The following FMN2 variants were observed in gnomAD, a reference collection of about 807,000 sequenced individuals.
FMN2 encodes formin 2, also known as formin-2.
In FMN2, 51 loss-of-function variants were observed where a neutral mutation model predicts 142.3. That is an observed-to-expected ratio of 0.36 (90% CI 0.29 to 0.45). The LOEUF (loss-of-function observed/expected upper bound fraction) is 0.45. FMN2 is among the 20% of genes least tolerant of loss of function. The pLI is 1.00. For synonymous variants in FMN2, 882 were observed against 869.8 expected, an observed-to-expected ratio of 1.01 and a Z score of -0.25; for missense variants, 1,936 against 2,122.8, an observed-to-expected ratio of 0.91 and a Z score of 1.73.
At chr1:240,123,505 C>CACAA (rs781040948) in intron 2 of FMN2, among the ~76,000 whole-genome samples, 160 bp downstream of exon 2, 17 of 107,776 alleles carry the variant, frequency 1.6e-4, no homozygotes, top group Non-Finnish European at 2.7e-4. Context: ...TGTTTGTACA[C>CACAA]AAAAAAAAAA....
At chr1:240,367,833 T>C (rs550096435) in intron 14 of FMN2, among the ~76,000 whole-genome samples, 1 of 152,146 alleles carries the variant, frequency 6.6e-6, no homozygotes, top group East Asian at 1.9e-4. Flanking sequence ...TAATGTCCTT[T>C]ATTTTCCCAA....
rs895116951 is a variant in FMN2 at position 240,389,254 on chromosome 1, T to C, written c.4859-3257T>C. ...TGGCTTTCAAAACTCTGCAAAACCA[T>C]TTATGCCATTAGAGATTATCTGAAA... On this transcript the variant is annotated intron_variant, in intron 14 of 17. Transcript: ENST00000319653. Among the ~76,000 whole-genome samples, 10 of 152,314 alleles carry C rather than the reference T, an allele frequency of 6.6e-5. No homozygotes were observed. In the South Asian group the frequency reaches 1.0e-3, roughly 16 times the overall value.
chr1:240,147,612 C>T (rs1334695034), intron 2 of FMN2, among the ~76,000 whole-genome samples: 1 of 152,112 alleles, frequency 6.6e-6, no homozygotes, highest in Admixed American at 6.6e-5. Context: ...CCCACCTGGG[C>T]CCCCCAAAGT....
intron 14 of FMN2, among the ~76,000 whole-genome samples, chr1:240,356,525 A>G (rs1160897716): frequency 6.6e-6 from 1 of 152,198 alleles, no homozygotes; most frequent in South Asian, 2.1e-4. Context: ...AAAGAAAAAA[A>G]TTTAACAGGA....
At chr1:240,245,480 A>C in intron 6 of FMN2, 1 of 469,288 alleles carries the variant, frequency 2.1e-6, no homozygotes, top group Non-Finnish European at 4.4e-6. Context: ...AAGTTAGTCA[A>C]AGGTTCCCGT....
At chr1:240,449,932 G>A (rs1365731410) in intron 16 of FMN2, among the ~76,000 whole-genome samples, 1 of 152,058 alleles carries the variant, frequency 6.6e-6, no homozygotes, top group African/African-American at 2.4e-5. Context: ...TTTAAGATCT[G>A]TTATCTTAGC....
chr1:240,185,035 CCCTTCTCTTTCT>C (rs1665360589), intron 3 of FMN2, among the ~76,000 whole-genome samples: 1 of 150,120 alleles, frequency 6.7e-6, no homozygotes, highest in Non-Finnish European at 1.5e-5. Context: ...TATACCTTCC[CCCTTCTCTTTCT>C]CCCTCCTATA....
At chr1:240,392,979 G>A (rs1283697072) in intron 15 of FMN2, among the ~76,000 whole-genome samples, 1 of 106,158 alleles carries the variant, frequency 9.4e-6, no homozygotes, top group African/African-American at 5.2e-5. Flanking sequence ...TTGCAATTAT[G>A]GGTAAACATA....
chr1:240,238,692 T>G (rs1050935650), intron 6 of FMN2, among the ~76,000 whole-genome samples: 2 of 152,186 alleles, frequency 1.3e-5, no homozygotes, highest in African/African-American at 4.8e-5. Context: ...ATCTACTTCA[T>G]AGTAAATACT....
At chr1:240,434,127 T>C (rs1250869465) in intron 15 of FMN2, among the ~76,000 whole-genome samples, 2 of 152,216 alleles carry the variant, frequency 1.3e-5, no homozygotes, top group Non-Finnish European at 2.9e-5. Flanking sequence ...TTCAGTGACA[T>C]CTGGAGTTAT....
Position 240,438,230 on chromosome 1 carries a change from C to T in FMN2, c.5060+20C>T, listed in dbSNP as rs1194345984. On this transcript the variant is annotated intron_variant, in intron 16 of 17. Transcript: ENST00000319653. ...AGAGAGGTAGGTATTTTCATTTGCACAATGGCATTTTAAAACTGGTGTTTT... is the reference window on the plus strand; with the variant it reads ...AGAGAGGTAGGTATTTTCATTTGCATAATGGCATTTTAAAACTGGTGTTTT... The T allele has an allele frequency of 1.9e-6, 3 of 1,602,450 alleles. No individual in the cohort carries two copies. Among genetic ancestry groups the T allele is most frequent in the Non-Finnish European group, 1.7e-6 (2 of 1,175,972 alleles).
At chr1:240,330,021 T>C (rs1671326027) in intron 10 of FMN2, among the ~76,000 whole-genome samples, 1 of 152,202 alleles carries the variant, frequency 6.6e-6, no homozygotes, top group Non-Finnish European at 1.5e-5. Flanking sequence ...GTAAATCATT[T>C]TGAAAAGTGA....
At chr1:240,367,817 T>C (rs1364638148) in intron 14 of FMN2, among the ~76,000 whole-genome samples, 1 of 150,438 alleles carries the variant, frequency 6.6e-6, no homozygotes, top group Non-Finnish European at 1.5e-5. Flanking sequence ...TCTAAGTTGG[T>C]AAAGATAATG....
chr1:240,138,400 T>C (rs12072032), intron 2 of FMN2, among the ~76,000 whole-genome samples: 1 of 152,010 alleles, frequency 6.6e-6, no homozygotes, highest in African/African-American at 2.4e-5. Context: ...CTTTTATTTT[T>C]AAAAAGTATT....
At position 240,142,859 on chromosome 1, in the gene FMN2, A is replaced by G. The variant is rs1008150424; in HGVS notation, c.1782+19514A>G. 77 of 1,592,462 alleles carry G rather than the reference A, an allele frequency of 4.8e-5. No individual in the cohort carries two copies. In the African/African-American group the frequency reaches 9.6e-4, roughly 20 times the overall value. On this transcript the variant is annotated intron_variant, in intron 2 of 17. Transcript: ENST00000319653. Reference sequence around the variant, plus strand: ...CCACCACATCCACTGCCTGGCCTACATGGACAGACACTGGCAATGGCCTCA... The same window carrying G: ...CCACCACATCCACTGCCTGGCCTACGTGGACAGACACTGGCAATGGCCTCA...
rs1349850114 is a variant in FMN2 at position 240,092,702 on chromosome 1, A to G, written c.593A>G (p.Asp198Gly). The G allele has an allele frequency of 6.2e-7, 1 of 1,613,806 alleles. No homozygotes were observed. The highest frequency in any genetic ancestry group is 8.5e-7 in the Non-Finnish European group (1 of 1,179,978). The change falls in exon 1 of 18, where the codon GAC becomes GGC. Residue 198 changes from aspartate to glycine, a missense_variant. Asp to Gly is a moderately conservative substitution (Grantham distance 94). Coordinates refer to ENST00000319653, the MANE Select transcript of FMN2 (RefSeq NM_020066.5). ...ACGGAGCAAGAGGATTTGCTTTCAG[A>G]CATCCAGCAGGCGATCCGCCTGCAG... ...SATEQEDLLSDIQQAIRLQQQ... is the reference protein window; with the variant it reads ...SATEQEDLLSGIQQAIRLQQQ...
intron 8 of FMN2, among the ~76,000 whole-genome samples, chr1:240,323,355 C>T (rs139529063): frequency 0.014 from 2,068 of 152,082 alleles, 50 homozygotes; most frequent in African/African-American, 0.047. Context: ...CCACCACGCC[C>T]GGCTAATTTT....
At chr1:240,254,826 C>T (rs963666712) in intron 6 of FMN2, among the ~76,000 whole-genome samples, 2 of 152,220 alleles carry the variant, frequency 1.3e-5, no homozygotes, top group South Asian at 2.1e-4. Context: ...ATCAGGGGAG[C>T]CCCGGGGATG....
chr1:240,299,002 G>C (rs1670094574), intron 8 of FMN2, among the ~76,000 whole-genome samples: 1 of 151,534 alleles, frequency 6.6e-6, no homozygotes, highest in Non-Finnish European at 1.5e-5. Flanking sequence ...CCAAGCTGGA[G>C]TGCAGTGGCG....
Sources: gnomAD v4.1 joint callset for allele counts (sites outside exome capture counted in the v4.1 genomes callset) on GRCh38, gnomAD v4.1.1 for gene constraint, MANE v1.5 for transcripts, NCBI Gene and HGNC (gene_info 2026-07-23, HGNC 2026-07-21) for gene names.